The following REV1 variants were observed in gnomAD, a reference collection of about 807,000 sequenced individuals.
REV1 encodes the protein REV1 DNA directed polymerase.
In REV1, 42 loss-of-function variants were observed where a neutral mutation model predicts 137.4. The observed-to-expected ratio is 0.31, with a 90% CI of 0.24 to 0.40. REV1 has a LOEUF of 0.40. REV1 is among the 10% of genes least tolerant of loss of function. REV1 has a pLI of 1.00. For missense variants in REV1, 1,282 were observed against 1,490.1 expected (o/e 0.86, Z 2.30); for synonymous variants, 524 against 519.2 (o/e 1.01, Z -0.12).
rs1169168466 is a variant in REV1, at chr2:99,437,224, C to T, written c.1214-1283G>A. The stretch of plus-strand genomic sequence containing the variant: ...TCTTGCACTCCTGGGCTCAAGCAAT[C>T]CTCCCGCCTCGGCCTCCGAAAGTGT... On this transcript the variant is annotated intron_variant, in intron 6 of 22. Transcript: ENST00000258428. Among the ~76,000 whole-genome samples, 7 of 152,028 alleles carry T rather than the reference C, an allele frequency of 4.6e-5. 1 individual carries two copies. The highest frequency in any genetic ancestry group is 4.6e-4 in the Admixed American group (7 of 15,254).
chr2:99,481,746 G>A (rs1303536727), intron 1 of REV1, among the ~76,000 whole-genome samples: 2 of 152,118 alleles, frequency 1.3e-5, no homozygotes, highest in Non-Finnish European at 1.5e-5. Flanking sequence ...GTGTGTGCCT[G>A]TAGTCCTAGC....
intron 7 of REV1, among the ~76,000 whole-genome samples, chr2:99,435,192 C>T (rs1360533923): frequency 6.6e-6 from 1 of 152,204 alleles, no homozygotes; most frequent in East Asian, 1.9e-4. Context: ...CTGGTTTTAA[C>T]ACAGCAGCTT....
chr2:99,418,895 C>G lies in REV1; in HGVS notation c.1884G>C (p.Gly628=), dbSNP rs781511503. 1 of 1,612,322 alleles carries G rather than the reference C, an allele frequency of 6.2e-7. No individual in the cohort carries two copies. Among genetic ancestry groups the G allele is most frequent in the South Asian group, 1.1e-5 (1 of 91,008 alleles). ...CTTCTTCTGGTTTTAGGTGGTACTG[C>G]CCATCTGGTTTTGCTTTTCTAGTTG... ...RMATRKAKPD[G]QYHLKPEEVD... The change falls in exon 12 of 23, where the codon GGG becomes GGC. Residue 628 remains glycine, a synonymous_variant. Transcript: ENST00000258428.
chr2:99,406,001 G>C lies in REV1; in HGVS notation c.2720C>G (p.Ala907Gly). 6.2e-7 allele frequency: 1 copy of C among 1,614,044 alleles called. No individual in the cohort carries two copies. Among genetic ancestry groups the C allele is most frequent in the Non-Finnish European group, 8.5e-7 (1 of 1,179,972 alleles). Residue 907 changes from alanine (A) to glycine (G), a missense_variant, in exon 17 of 23, where the codon GCT (alanine) becomes GGT (glycine). Physicochemically the swap from Ala to Gly is moderately conservative, Grantham distance 60 (BLOSUM62 0). Transcript: ENST00000258428. ...HLPTSPDTNK[A>G]ESSGKWNGLH... is the part of the protein sequence containing the mutation. ...ACCATTCCATTTCCCTGAAGACTCA[G>C]CCTTGTTAGTATCAGGACTGGTCGG...
chr2:99,402,459 CAAAGG>C (rs758563538), intron 21 of REV1, 113 bp from the exon 22 acceptor site: 7 of 799,360 alleles, frequency 8.8e-6, no homozygotes, highest in Non-Finnish European at 1.2e-5. Context: ...TAACAGCTAT[CAAAGG>C]AATGGGCTTT....
chr2:99,434,035 G>A (rs201288722), intron 8 of REV1, among the ~76,000 whole-genome samples: 24 of 152,266 alleles, frequency 1.6e-4, no homozygotes, highest in African/African-American at 5.3e-4. Flanking sequence ...ACAATAACCA[G>A]TAATTAACTC....
intron 8 of REV1, among the ~76,000 whole-genome samples, chr2:99,430,321 C>T (rs4341989): frequency 0.28 from 41,774 of 151,716 alleles, 5,863 homozygotes; most frequent in Admixed American, 0.35. Flanking sequence ...GTACAGCTCT[C>T]GGTAGTGGGG....
intron 18 of REV1, 115 bp downstream of exon 18, chr2:99,404,329 C>T: frequency 2.5e-6 from 2 of 816,276 alleles, no homozygotes; most frequent in Non-Finnish European, 4.0e-6. Context: ...CCCTCCCCTC[C>T]CCAGTGGATG....
chr2:99,450,818 G>A (rs1682839974), intron 3 of REV1, among the ~76,000 whole-genome samples: 1 of 152,094 alleles, frequency 6.6e-6, no homozygotes, highest in African/African-American at 2.4e-5. Flanking sequence ...GGAATCCAGT[G>A]GGTATTTTAC....
At chr2:99,490,085 C>CCCGGCCCCGCCCACGCCCCCTCCG (rs1687559584), upstream of REV1, 3 of 144,548 alleles carry the variant, frequency 2.1e-5, no homozygotes, top group African/African-American at 7.7e-5. Context: ...CGCGCGCTCC[C>CCCGGCCCCGCCCACGCCCCCTCCG]CGGCCCCGCT....
At chr2:99,459,815 G>A (rs901031392) in intron 3 of REV1, among the ~76,000 whole-genome samples, 1 of 152,188 alleles carries the variant, frequency 6.6e-6, no homozygotes, top group African/African-American at 2.4e-5. Flanking sequence ...AGGTTGACAG[G>A]TGAACTATTA....
intron 1 of REV1, among the ~76,000 whole-genome samples, chr2:99,467,631 C>T (rs1684954710): frequency 6.6e-6 from 1 of 152,212 alleles, no homozygotes; most frequent in Non-Finnish European, 1.5e-5. Context: ...GTCCAAGGGT[C>T]TTCCAAGGAT....
intron 1 of REV1, among the ~76,000 whole-genome samples, chr2:99,487,158 G>C (rs953957569): frequency 3.9e-5 from 6 of 152,172 alleles, no homozygotes; most frequent in Non-Finnish European, 5.9e-5. Context: ...CTTTGTTCAA[G>C]AACCGGCAAA....
At chr2:99,466,779 G>T (rs955244079) in intron 1 of REV1, among the ~76,000 whole-genome samples, 1 of 152,130 alleles carries the variant, frequency 6.6e-6, no homozygotes, top group Admixed American at 6.5e-5. Flanking sequence ...CCTGAGGAGA[G>T]ATTTCTTTTT....
At chr2:99,445,701 T>C (rs3792135) in intron 4 of REV1, among the ~76,000 whole-genome samples, 23,587 of 152,206 alleles carry the variant, frequency 0.15, 1,989 homozygotes, top group East Asian at 0.26. Flanking sequence ...TATGTACAAG[T>C]GTGAGATTTA....
intron 11 of REV1, among the ~76,000 whole-genome samples, chr2:99,420,853 G>C (rs1678564805): frequency 6.6e-6 from 1 of 152,198 alleles, no homozygotes; most frequent in African/African-American, 2.4e-5. Context: ...TCTAGTAACA[G>C]AATGGCAAGA....
chr2:99,405,971 T>TTCA lies in REV1; in HGVS notation c.2749_2750insTGA (p.His917delinsLeuAsn). The TTCA allele has an allele frequency of 6.2e-7, 1 of 1,614,038 alleles. No homozygotes were observed. The highest frequency in any genetic ancestry group is 8.5e-7 in the Non-Finnish European group (1 of 1,179,944). ...TCTCGACTGCACACTGACAGGAGTA[T>TTCA]GTAGACCATTCCATTTCCCTGAAGA... On this transcript the variant is annotated protein_altering_variant, in exon 17 of 23. Transcript: ENST00000258428.
intron 9 of REV1, among the ~76,000 whole-genome samples, chr2:99,428,901 A>C (rs2104696966): frequency 6.6e-6 from 1 of 150,780 alleles, no homozygotes; most frequent in Admixed American, 6.6e-5. Context: ...CTGAGGCAGG[A>C]GAATGGCATG....
At chr2:99,401,398 C>T (rs772101351) in intron 22 of REV1, 46 bp from the exon 23 acceptor site, 2 of 1,268,858 alleles carry the variant, frequency 1.6e-6, no homozygotes, top group Non-Finnish European at 2.3e-6. Context: ...TAGGAAAGGT[C>T]CTTAAGACTA....
Sources: gnomAD v4.1 joint callset for allele counts (sites outside exome capture counted in the v4.1 genomes callset) on GRCh38, gnomAD v4.1.1 for gene constraint, MANE v1.5 for transcripts, NCBI Gene and HGNC (gene_info 2026-07-23, HGNC 2026-07-21) for gene names.